Variants in ATP10B observed in about 807,000 individuals in gnomAD.
ATP10B encodes phospholipid-transporting ATPase VB.
In ATP10B, 122 loss-of-function variants were observed where a neutral mutation model predicts 141.2. That is an observed-to-expected ratio of 0.86 (90% CI 0.75 to 1.00). The LOEUF is 1.00. ATP10B is among the 50% of genes least tolerant of loss of function. The pLI, the probability that ATP10B is intolerant of heterozygous loss-of-function variation, is 0.00. For missense variants in ATP10B, 1,876 were observed against 1,825.3 expected (o/e 1.03, Z -0.51); for synonymous variants, 685 against 692.0 (o/e 0.99, Z 0.16).
intron 1 of ATP10B, among the ~76,000 whole-genome samples, chr5:160,802,670 C>A (rs941151246): frequency 1.3e-5 from 2 of 152,204 alleles, no homozygotes; most frequent in African/African-American, 4.8e-5. Context: ...GCTTAAGGCA[C>A]TTGAGTTCTT....
At chr5:160,835,517 T>G (rs1775368409) in intron 1 of ATP10B, among the ~76,000 whole-genome samples, 1 of 152,160 alleles carries the variant, frequency 6.6e-6, no homozygotes, top group Admixed American at 6.6e-5. Context: ...ATGTGCTACT[T>G]TTGGATCTTG....
chr5:160,717,477 C>T (rs1407190614), intron 2 of ATP10B, among the ~76,000 whole-genome samples: 5 of 152,120 alleles, frequency 3.3e-5, no homozygotes, highest in Non-Finnish European at 7.4e-5. Flanking sequence ...ACTGCCTTCC[C>T]TGCTAAAAGT....
intron 2 of ATP10B, among the ~76,000 whole-genome samples, chr5:160,761,142 A>G (rs13166388): frequency 0.32 from 47,902 of 152,054 alleles, 7,892 homozygotes; most frequent in Non-Finnish European, 0.36. Context: ...CCAAAGAAGG[A>G]AAAAACGACA....
chr5:160,582,877 G>A (rs1755646624), intron 24 of ATP10B, among the ~76,000 whole-genome samples: 1 of 152,020 alleles, frequency 6.6e-6, no homozygotes, highest in African/African-American at 2.4e-5. Flanking sequence ...TTCAGCTATT[G>A]ATACTTGTGT....
At chr5:160,842,382 G>A (rs1398302205) in intron 1 of ATP10B, among the ~76,000 whole-genome samples, 1 of 151,778 alleles carries the variant, frequency 6.6e-6, no homozygotes, top group Non-Finnish European at 1.5e-5. Context: ...AAAGAAGAAA[G>A]GCTAAAAACC....
chr5:160,640,650 C>A lies in ATP10B; in HGVS notation c.869-58G>T, dbSNP rs193110613. ...GTTCCTGTTTGCCTATGTCTTACAC[C>A]ATTCCCTCAGCTCTTCTCACAGGAG... On this transcript the variant is annotated intron_variant, in intron 9 of 25. Coordinates refer to ENST00000327245, the MANE Select transcript of ATP10B (RefSeq NM_025153.3). 6,744 of 1,585,396 alleles carry A rather than the reference C, an allele frequency of 4.3e-3. 21 individuals carry two copies. Among genetic ancestry groups the A allele is most frequent in the Non-Finnish European group, 5.2e-3 (6,094 of 1,162,898 alleles).
At chr5:160,633,168 A>C (rs1759060795) in intron 12 of ATP10B, 1 of 152,228 alleles carries the variant, frequency 6.6e-6, no homozygotes, top group Admixed American at 6.5e-5. Flanking sequence ...TTCCTCAAGG[A>C]TCTAGAACCA....
intron 2 of ATP10B, among the ~76,000 whole-genome samples, chr5:160,717,974 G>T (rs373120886): frequency 6.6e-6 from 1 of 152,216 alleles, no homozygotes; most frequent in Non-Finnish European, 1.5e-5. Flanking sequence ...CCTGTACTTG[G>T]TGGGATCTCA....
chr5:160,842,067 C>A (rs2127987434), intron 1 of ATP10B, among the ~76,000 whole-genome samples: 1 of 152,188 alleles, frequency 6.6e-6, no homozygotes, highest in Non-Finnish European at 1.5e-5. Flanking sequence ...TTAAAATAGG[C>A]CACAGGCTAG....
chr5:160,813,759 C>T (rs868061672), intron 1 of ATP10B, among the ~76,000 whole-genome samples: 11 of 152,172 alleles, frequency 7.2e-5, no homozygotes, highest in African/African-American at 1.9e-4. Context: ...ACACCTCACA[C>T]GGCAGGGTAC....
At chr5:160,867,730 T>A in the ATP10B span, among the ~76,000 whole-genome samples, 1 of 152,164 alleles carries the variant, frequency 6.6e-6, no homozygotes, top group Non-Finnish European at 1.5e-5. Flanking sequence ...TGTGTTTTAG[T>A]ATAATAGATG....
chr5:160,625,463 C>T (rs1003768050), intron 13 of ATP10B, among the ~76,000 whole-genome samples: 6 of 152,270 alleles, frequency 3.9e-5, no homozygotes, highest in African/African-American at 1.2e-4. Flanking sequence ...TTAAATCTTA[C>T]TGCCACAGGT....
intron 7 of ATP10B, among the ~76,000 whole-genome samples, chr5:160,669,822 G>C (rs1762560101): frequency 6.7e-6 from 1 of 149,134 alleles, no homozygotes; most frequent in Non-Finnish European, 1.5e-5. Context: ...GGATGATCTG[G>C]AACTCCTGGC....
At chr5:160,646,406 T>C (rs1425021836) in intron 8 of ATP10B, among the ~76,000 whole-genome samples, 1 of 152,244 alleles carries the variant, frequency 6.6e-6, no homozygotes, top group Non-Finnish European at 1.5e-5. Context: ...TTTGATTTCA[T>C]TGTATTAATT....
intron 16 of ATP10B, among the ~76,000 whole-genome samples, chr5:160,617,462 G>A (rs530661427): frequency 1.3e-5 from 2 of 152,286 alleles, no homozygotes; most frequent in South Asian, 4.1e-4. Flanking sequence ...TGAAAACACA[G>A]TTGGCCAGAT....
chr5:160,580,068 A>C (rs1755447168), intron 24 of ATP10B, among the ~76,000 whole-genome samples: 1 of 152,170 alleles, frequency 6.6e-6, no homozygotes, highest in African/African-American at 2.4e-5. Context: ...GGGCTGAGAC[A>C]ATGGGGTTTT....
chr5:160,732,528 G>A (rs1363238600), intron 2 of ATP10B, among the ~76,000 whole-genome samples: 1 of 152,116 alleles, frequency 6.6e-6, no homozygotes, highest in Non-Finnish European at 1.5e-5. Flanking sequence ...TGGATATGCA[G>A]TTTTCCAGGC....
intron 1 of ATP10B, among the ~76,000 whole-genome samples, chr5:160,814,191 A>T (rs888377735): frequency 2.6e-5 from 4 of 152,200 alleles, no homozygotes; most frequent in Non-Finnish European, 5.9e-5. Flanking sequence ...CTCCGAGCTA[A>T]AGGAGGAAGT....
At chr5:160,799,018 T>A (rs1178611681) in intron 1 of ATP10B, among the ~76,000 whole-genome samples, 1 of 152,164 alleles carries the variant, frequency 6.6e-6, no homozygotes, top group Non-Finnish European at 1.5e-5. Context: ...CCCAAAGTAC[T>A]GGGATTACAG....
Sources: allele counts gnomAD v4.1 joint callset (sites outside exome capture counted in the v4.1 genomes callset), GRCh38; gene constraint gnomAD v4.1.1; transcripts MANE v1.5; gene names NCBI Gene and HGNC (gene_info 2026-07-23, HGNC 2026-07-21).